The following SPATA7 variants were observed in gnomAD, a reference collection of about 807,000 sequenced individuals.
The protein encoded by SPATA7 is spermatogenesis-associated protein 7.
In SPATA7, 43 loss-of-function variants were observed where a neutral mutation model predicts 51.8. The ratio of observed to expected loss-of-function variants is 0.83; its 90% CI spans 0.65 to 1.07. SPATA7 has a LOEUF of 1.07. Ranked by LOEUF, SPATA7 falls within the 50% of genes least tolerant of loss-of-function variation. The pLI is 0.00. For missense variants in SPATA7, 683 were observed against 701.3 expected, an observed-to-expected ratio of 0.97 and a Z score of 0.30; for synonymous variants, 230 against 252.8, an observed-to-expected ratio of 0.91 and a Z score of 0.86.
At chr14:88,450,208 T>C (rs1595313530) in intron 3 of SPATA7, among the ~76,000 whole-genome samples, 1 of 152,222 alleles carries the variant, frequency 6.6e-6, no homozygotes, top group East Asian at 1.9e-4. Context: ...GGTGGGTCTC[T>C]TGAAGATAGA....
chr14:88,468,097 A>C (rs1013122474), intron 4 of SPATA7: 5 of 1,609,778 alleles, frequency 3.1e-6, no homozygotes, highest in African/African-American at 1.3e-5. Context: ...TTAAGCTGTA[A>C]ACGCTTCACA....
rs772742168 is a variant in SPATA7, at chr14:88,469,046, C to T, written c.255-801C>T. The T allele has an allele frequency of 4.3e-5, 70 of 1,613,846 alleles. No homozygotes were observed. In the East Asian group the frequency reaches 1.2e-3, roughly 27 times the overall value. ...GGGATCACTTGTGCTATTTGTATGG[C>T]GTCGAACAGACTGGATCTCTTCAAG... On this transcript the variant is annotated intron_variant, in intron 4 of 4. Transcript: ENST00000556406. This position sits in a 1 kb window ranked among gnomAD's most constrained non-coding sequence, Gnocchi z 4.3.
At position 88,460,943 on chromosome 14, in the gene SPATA7, T is replaced by C. The variant is rs2077313539; in HGVS notation, c.255-8904T>C. On this transcript the variant is annotated intron_variant, in intron 4 of 4. Coordinates refer to the SPATA7 transcript ENST00000556406. The stretch of plus-strand genomic sequence containing the variant: ...CCTTCTAACAGTCAGGACCCTCAGC[T>C]GCAGGTCTGTTGGAGCTTGCTGGAG... Among the ~76,000 whole-genome samples the C allele has an allele frequency of 3.3e-5, 5 of 152,242 alleles. No individual in the cohort carries two copies. In the South Asian group the frequency reaches 1.0e-3, roughly 31 times the overall value.
Position 88,427,216 on chromosome 14 carries a change from A to G in SPATA7, c.846-414A>G, listed in dbSNP as rs1246942575. Among the ~76,000 whole-genome samples the G allele has an allele frequency of 2.0e-5, 3 of 152,212 alleles. No individual in the cohort carries two copies. In the South Asian group the frequency reaches 6.2e-4, roughly 32 times the overall value. The stretch of plus-strand genomic sequence containing the variant: ...TAGAAATTAAGTATAATTTGCCTCA[A>G]TAATGTTTTCAAATACAGTAGTGCC... On this transcript the variant is annotated intron_variant, in intron 6 of 11. Transcript: ENST00000393545.
intron 3 of SPATA7, among the ~76,000 whole-genome samples, chr14:88,445,072 G>C (rs987234214): frequency 6.6e-6 from 1 of 151,836 alleles, no homozygotes; most frequent in African/African-American, 2.4e-5. Flanking sequence ...AAATTACCTT[G>C]GGCAGTATGG....
intron 4 of SPATA7, chr14:88,466,471 A>C (rs2077365175): frequency 6.6e-6 from 1 of 152,196 alleles, no homozygotes; most frequent in East Asian, 1.9e-4. Flanking sequence ...AAGTGAGTTA[A>C]GGAGTGACAT....
chr14:88,462,663 T>C (rs1402159362), intron 4 of SPATA7, among the ~76,000 whole-genome samples: 1 of 152,230 alleles, frequency 6.6e-6, no homozygotes, highest in Non-Finnish European at 1.5e-5. Context: ...CTATATCCAG[T>C]GCAGCTACAC....
chr14:88,453,590 A>C (rs1161042014), intron 3 of SPATA7, among the ~76,000 whole-genome samples: 1 of 152,206 alleles, frequency 6.6e-6, no homozygotes, highest in Non-Finnish European at 1.5e-5. Flanking sequence ...CTTGGTTTTA[A>C]AGAGCTCGGA....
intron 4 of SPATA7, among the ~76,000 whole-genome samples, chr14:88,397,149 C>T (rs867790370): frequency 6.6e-5 from 10 of 152,194 alleles, no homozygotes; most frequent in South Asian, 2.1e-4. Context: ...CTCAGTCCCC[C>T]AAAGTGCTGG....
chr14:88,422,179 C>T (rs1299268665), intron 5 of SPATA7, among the ~76,000 whole-genome samples: 13 of 152,138 alleles, frequency 8.5e-5, no homozygotes, highest in Admixed American at 6.5e-5. Context: ...GCTTTTGGAA[C>T]ATCTAGTATA....
chr14:88,404,882 GACTAA>G (rs1285923919), intron 4 of SPATA7, among the ~76,000 whole-genome samples: 3 of 152,144 alleles, frequency 2.0e-5, no homozygotes, highest in Non-Finnish European at 4.4e-5. Flanking sequence ...TAAGGGCTGG[GACTAA>G]AGAGGTGAAC....
intron 1 of SPATA7, among the ~76,000 whole-genome samples, chr14:88,388,762 A>T (rs1285476606): frequency 2.6e-5 from 4 of 152,176 alleles, no homozygotes; most frequent in Admixed American, 2.6e-4. Flanking sequence ...AATTAAAAAG[A>T]TAAGAAAACT....
intron 3 of SPATA7, among the ~76,000 whole-genome samples, chr14:88,449,702 A>G (rs1207837732): frequency 2.6e-5 from 4 of 152,100 alleles, no homozygotes; most frequent in Non-Finnish European, 5.9e-5. Flanking sequence ...TTACTGTATT[A>G]ACATCTATCT....
chr14:88,392,696 A>AT (rs1019106895), intron 2 of SPATA7, among the ~76,000 whole-genome samples: 2 of 152,094 alleles, frequency 1.3e-5, no homozygotes, highest in Non-Finnish European at 2.9e-5. Context: ...TAGCTGTTGA[A>AT]TTTTTTTAAC....
At chr14:88,424,515 A>G (rs1328916273) in intron 5 of SPATA7, among the ~76,000 whole-genome samples, 1 of 152,188 alleles carries the variant, frequency 6.6e-6, no homozygotes, top group African/African-American at 2.4e-5. Context: ...ATTTCTTTAC[A>G]GGCAATCATA....
At chr14:88,402,345 A>G (rs541602147) in intron 4 of SPATA7, among the ~76,000 whole-genome samples, 1 of 152,324 alleles carries the variant, frequency 6.6e-6, no homozygotes, top group South Asian at 2.1e-4. Context: ...AACAATCTTG[A>G]GCAAGAAAAA....
chr14:88,463,162 CCTT>C, intron 4 of SPATA7, among the ~76,000 whole-genome samples: 1 of 152,220 alleles, frequency 6.6e-6, no homozygotes, highest in East Asian at 1.9e-4. Context: ...CCTTCACCTT[CCTT>C]CTTGGGCCAT....
intron 4 of SPATA7, among the ~76,000 whole-genome samples, chr14:88,412,006 T>TC (rs1360238774): frequency 6.6e-6 from 1 of 150,874 alleles, no homozygotes; most frequent in Admixed American, 6.5e-5. Context: ...AATTCCTTTT[T>TC]CCCCGCAACC....
chr14:88,466,904 C>T (rs567233757), intron 4 of SPATA7: 2 of 152,268 alleles, frequency 1.3e-5, no homozygotes, highest in South Asian at 4.2e-4. Context: ...AGGAAAAATA[C>T]GCCTCTTTAA....
Sources: gnomAD v4.1 joint callset for allele counts (sites outside exome capture counted in the v4.1 genomes callset) on GRCh38, gnomAD v4.1.1 for gene constraint, Gnocchi (gnomAD v3.1) non-coding constraint, MANE v1.5 for transcripts, NCBI Gene and HGNC (gene_info 2026-07-23, HGNC 2026-07-21) for gene names.